UBA6: variants seen among roughly 807,000 people sequenced by gnomAD.
UBA6 encodes the protein ubiquitin like modifier activating enzyme 6, also known as ubiquitin-like modifier-activating enzyme 6.
In UBA6, 87 loss-of-function variants were observed where a neutral mutation model predicts 148.3. The observed-to-expected ratio is 0.59, with a 90% CI of 0.49 to 0.70. The LOEUF is 0.70. UBA6 is among the 30% of genes least tolerant of loss of function. UBA6 has a pLI of 0.00. For missense variants in UBA6, 1,186 were observed against 1,241.2 expected, an observed-to-expected ratio of 0.96 and a Z score of 0.67; for synonymous variants, 376 against 401.0, an observed-to-expected ratio of 0.94 and a Z score of 0.75.
intron 19 of UBA6, among the ~76,000 whole-genome samples, chr4:67,636,286 T>TA (rs1729136584): frequency 6.6e-6 from 1 of 152,112 alleles, no homozygotes; most frequent in Non-Finnish European, 1.5e-5. Flanking sequence ...AAAAAGTACA[T>TA]AGTGTTATGA....
chr4:67,618,769 C>T lies in UBA6; in HGVS notation c.*228G>A, dbSNP rs546683660. 3.5e-5 allele frequency: 14 copies of T among 398,262 alleles called. No homozygotes were observed. The East Asian group carries it at 5.6e-4, about 16-fold the overall frequency. 24.7% of individuals were successfully genotyped at this position (398,262 alleles called of 1,614,324 possible). ...AACTTTTGTAAATAGCATTCCAGTT[C>T]AAAGTTGCTTGTGATCATAGCCACG... On this transcript the variant is annotated 3_prime_UTR_variant, in exon 33 of 33. Transcript: ENST00000322244.
chr4:67,645,545 C>T (rs908251523), intron 16 of UBA6, among the ~76,000 whole-genome samples: 56 of 151,270 alleles, frequency 3.7e-4, no homozygotes, highest in Non-Finnish European at 1.2e-4. Flanking sequence ...TGCAGTGAGC[C>T]GAGATCATGC....
chr4:67,655,050 G>T (rs12503724), intron 13 of UBA6, among the ~76,000 whole-genome samples: 34,871 of 151,882 alleles, frequency 0.23, 4,164 homozygotes, highest in Middle Eastern at 0.3. Context: ...AAGCAAGTCC[G>T]TAGAGACCTA....
intron 19 of UBA6, among the ~76,000 whole-genome samples, chr4:67,637,414 T>C (rs71487546): frequency 0.39 from 58,591 of 150,560 alleles, 11,410 homozygotes; most frequent in Middle Eastern, 0.51. Context: ...TCTGCCCGGC[T>C]GCCACCCCGT....
At chr4:67,696,180 T>A (rs1210723933) in intron 2 of UBA6, among the ~76,000 whole-genome samples, 1 of 152,118 alleles carries the variant, frequency 6.6e-6, no homozygotes, top group East Asian at 1.9e-4. Context: ...ATGACTAAAG[T>A]GAAATATTAT....
intron 26 of UBA6, among the ~76,000 whole-genome samples, chr4:67,629,797 G>A (rs1297668772): frequency 6.6e-6 from 1 of 151,948 alleles, no homozygotes; most frequent in Admixed American, 6.6e-5. Flanking sequence ...TTCCAAAAAG[G>A]ATTAATCTAA....
At chr4:67,679,655 T>C (rs1730383187) in intron 4 of UBA6, among the ~76,000 whole-genome samples, 1 of 152,104 alleles carries the variant, frequency 6.6e-6, no homozygotes, top group Admixed American at 6.5e-5. Flanking sequence ...ATATATAGCA[T>C]ATATAGGATA....
intron 13 of UBA6, among the ~76,000 whole-genome samples, chr4:67,656,295 A>C (rs1163364621): frequency 6.6e-6 from 1 of 152,252 alleles, no homozygotes; most frequent in Non-Finnish European, 1.5e-5. Flanking sequence ...AATACTGGCA[A>C]ACTGAATCCA....
chr4:67,700,723 C>G (rs1449293324), intron 1 of UBA6, among the ~76,000 whole-genome samples: 1 of 152,142 alleles, frequency 6.6e-6, no homozygotes, highest in Non-Finnish European at 1.5e-5. Flanking sequence ...AAGCTCACGC[C>G]AAGTGACCGA....
intron 7 of UBA6, among the ~76,000 whole-genome samples, 161 bp from the exon 8 acceptor site, chr4:67,670,753 G>T (rs1241262039): frequency 6.6e-6 from 1 of 152,136 alleles, no homozygotes; most frequent in African/African-American, 2.4e-5. Flanking sequence ...ATGCAGAATA[G>T]TTTAGGAATC....
At chr4:67,636,395 C>T (rs983255229) in intron 19 of UBA6, among the ~76,000 whole-genome samples, 2 of 152,164 alleles carry the variant, frequency 1.3e-5, no homozygotes, top group Admixed American at 6.5e-5. Context: ...TCCCGCTCCC[C>T]ACGGTCTCCC....
chr4:67,661,371 A>G (rs538390053), intron 13 of UBA6, among the ~76,000 whole-genome samples: 1 of 152,298 alleles, frequency 6.6e-6, no homozygotes, highest in Non-Finnish European at 1.5e-5. Flanking sequence ...AGTGAGTGAT[A>G]GTGAGTGAGT....
At chr4:67,654,516 T>C (rs761263477) in intron 13 of UBA6, among the ~76,000 whole-genome samples, 53 of 152,036 alleles carry the variant, frequency 3.5e-4, no homozygotes, top group Non-Finnish European at 6.5e-4. Flanking sequence ...CAGACCTGCC[T>C]TACAAGAGCT....
chr4:67,632,844 T>G (rs1729032375), intron 23 of UBA6, among the ~76,000 whole-genome samples: 1 of 151,996 alleles, frequency 6.6e-6, no homozygotes, highest in African/African-American at 2.4e-5. Flanking sequence ...TTTTTAAAGT[T>G]GTTTCTAAGG....
chr4:67,652,699 G>A (rs764549142), intron 13 of UBA6, among the ~76,000 whole-genome samples: 1 of 152,258 alleles, frequency 6.6e-6, no homozygotes, highest in African/African-American at 2.4e-5. Context: ...GCCCATGGAG[G>A]GCGAGCCGAA....
chr4:67,625,122 T>A lies in UBA6; in HGVS notation c.2584A>T (p.Ile862Phe). 1 of 1,613,408 alleles carries A rather than the reference T, an allele frequency of 6.2e-7. No homozygotes were observed. Among genetic ancestry groups the A allele is most frequent in the Non-Finnish European group, 8.5e-7 (1 of 1,179,534 alleles). Residue 862 changes from isoleucine (I) to phenylalanine (F), a missense_variant, in exon 29 of 33, where the codon ATC (isoleucine) becomes TTC (phenylalanine). Coordinates refer to ENST00000322244, the MANE Select transcript of UBA6 (RefSeq NM_018227.6). ...DDDHNGHIDF[I>F]TAASNLRAKM... ...GCACGAAGATTTGATGCAGCTGTGA[T>A]GAAATCTATGTGTCCATTATGATCA...
chr4:67,638,030 T>C (rs1729208603), intron 19 of UBA6: 1 of 152,020 alleles, frequency 6.6e-6, no homozygotes, highest in Non-Finnish European at 1.5e-5. Context: ...GAAGAGTAGA[T>C]AGGTAGATTA....
Position 67,631,882 on chromosome 4 carries a change from A to T in UBA6, c.2169T>A (p.Pro723=). 6.2e-7 allele frequency: 1 copy of T among 1,612,344 alleles called. No homozygotes were observed. Among genetic ancestry groups the T allele is most frequent in the Non-Finnish European group, 8.5e-7 (1 of 1,179,178 alleles). Residue 723 remains proline (P), a synonymous_variant, in exon 24 of 33, where the codon CCT becomes CCA. Coordinates refer to ENST00000322244, the MANE Select transcript of UBA6 (RefSeq NM_018227.6). ...HKALQLLHCF[P]LDIRLKDGSL... ...TGCCATCTTTTAATCGTATGTCCAG[A>T]GGGAAACAGTGAAGAAGCTGAAGAG...
chr4:67,633,954 C>G (rs1286859194), intron 22 of UBA6, among the ~76,000 whole-genome samples: 1 of 151,900 alleles, frequency 6.6e-6, no homozygotes, highest in East Asian at 1.9e-4. Flanking sequence ...AATAAAAGCC[C>G]TTTTATTATT....
Sources: gnomAD v4.1 joint callset for allele counts (sites outside exome capture counted in the v4.1 genomes callset) on GRCh38, gnomAD v4.1.1 for gene constraint, MANE v1.5 for transcripts, NCBI Gene and HGNC (gene_info 2026-07-23, HGNC 2026-07-21) for gene names.